C10orf67: variants seen among roughly 807,000 people sequenced by gnomAD.
C10orf67 encodes chromosome 10 open reading frame 67.
A neutral mutation model predicts 35.6 loss-of-function variants in C10orf67; 60 were observed. That is an observed-to-expected ratio of 1.68 (90% confidence interval 1.37 to 2.09). C10orf67 has a LOEUF of 2.09. C10orf67 is among the 30% of genes most tolerant of loss of function. C10orf67 has a pLI of 0.00. For synonymous variants in C10orf67, 167 were observed against 115.8 expected, an observed-to-expected ratio of 1.44 and a Z score of -2.84; for missense variants, 474 against 330.2, an observed-to-expected ratio of 1.44 and a Z score of -3.38.
At chr10:23,256,231 G>A (rs1267773522) in intron 10 of C10orf67, among the ~76,000 whole-genome samples, 2 of 151,938 alleles carry the variant, frequency 1.3e-5, no homozygotes, top group Non-Finnish European at 2.9e-5. Context: ...TGAACTCCTG[G>A]GCTCAAGCAA....
chr10:23,252,703 A>T (rs1007376068), intron 10 of C10orf67, among the ~76,000 whole-genome samples: 1 of 152,252 alleles, frequency 6.6e-6, no homozygotes, highest in African/African-American at 2.4e-5. Flanking sequence ...CAATAAGAAT[A>T]GGAACAATTT....
intron 13 of C10orf67, among the ~76,000 whole-genome samples, chr10:23,237,640 G>T (rs1433436828): frequency 6.6e-6 from 1 of 152,154 alleles, no homozygotes; most frequent in Non-Finnish European, 1.5e-5. Context: ...AACATGGGTG[G>T]ATCTTAAAAG....
At chr10:23,298,230 G>C (rs547054414) in intron 5 of C10orf67, among the ~76,000 whole-genome samples, 1 of 152,052 alleles carries the variant, frequency 6.6e-6, no homozygotes, top group African/African-American at 2.4e-5. Context: ...ACTCCAGCCT[G>C]GGCGACAGAG....
intron 12 of C10orf67, among the ~76,000 whole-genome samples, chr10:23,248,778 T>C (rs944884825): frequency 6.6e-6 from 1 of 152,162 alleles, no homozygotes; most frequent in Non-Finnish European, 1.5e-5. Context: ...AGACATAATC[T>C]ACAATGTCCC....
At chr10:23,290,022 G>A (rs575335698) in intron 6 of C10orf67, 64 bp from the exon 7 acceptor site, 5 of 709,660 alleles carry the variant, frequency 7.0e-6, no homozygotes, top group Admixed American at 2.1e-5. Flanking sequence ...GTATTTAAAC[G>A]GCCTGCTTCA....
intron 15 of C10orf67, among the ~76,000 whole-genome samples, chr10:23,216,368 G>A (rs748549062): frequency 2.0e-5 from 3 of 152,120 alleles, no homozygotes; most frequent in Non-Finnish European, 4.4e-5. Context: ...CCAAGTGTTA[G>A]TAGGAAAATG....
At chr10:23,210,521 G>T (rs185089614) in intron 15 of C10orf67, among the ~76,000 whole-genome samples, 9 of 152,246 alleles carry the variant, frequency 5.9e-5, no homozygotes, top group African/African-American at 2.2e-4. Flanking sequence ...CTGGGTTCAA[G>T]TGATCCTCCC....
At chr10:23,216,393 C>G (rs1201885477) in intron 15 of C10orf67, among the ~76,000 whole-genome samples, 1 of 152,078 alleles carries the variant, frequency 6.6e-6, no homozygotes, top group Admixed American at 6.6e-5. Context: ...AATACAAACT[C>G]ATAACCTACT....
intron 15 of C10orf67, among the ~76,000 whole-genome samples, chr10:23,213,778 A>G (rs111895187): frequency 1.3e-3 from 194 of 152,348 alleles, no homozygotes; most frequent in African/African-American, 4.5e-3. Flanking sequence ...AACCTAAAAG[A>G]AAGCAAGAAA....
intron 10 of C10orf67, among the ~76,000 whole-genome samples, chr10:23,261,020 G>C (rs375414864): frequency 6.6e-6 from 1 of 152,130 alleles, no homozygotes. Context: ...TCACACTCGA[G>C]GTTGTTTAGG....
chr10:23,333,911 G>A (rs1160686163), intron 1 of C10orf67, among the ~76,000 whole-genome samples: 1 of 152,130 alleles, frequency 6.6e-6, no homozygotes, highest in African/African-American at 2.4e-5. Context: ...GCTGCAGTGA[G>A]CTATGAAAGC....
chr10:23,296,023 T>C (rs905054732), intron 5 of C10orf67, among the ~76,000 whole-genome samples: 1 of 152,222 alleles, frequency 6.6e-6, no homozygotes, highest in African/African-American at 2.4e-5. Flanking sequence ...CTTATAACGT[T>C]GAAGTTTTAA....
intron 8 of C10orf67, among the ~76,000 whole-genome samples, chr10:23,268,795 C>G (rs763430447): frequency 6.6e-6 from 1 of 152,202 alleles, no homozygotes; most frequent in Non-Finnish European, 1.5e-5. Context: ...CTAGACTTTA[C>G]GGCATAGCCT....
intron 10 of C10orf67, among the ~76,000 whole-genome samples, chr10:23,258,887 A>G (rs1444850835): frequency 6.6e-6 from 1 of 152,222 alleles, no homozygotes; most frequent in Non-Finnish European, 1.5e-5. Context: ...TTTAGAGTTC[A>G]ACACTTCTGT....
chr10:23,308,024 A>C (rs1214837971), intron 4 of C10orf67, among the ~76,000 whole-genome samples: 1 of 152,168 alleles, frequency 6.6e-6, no homozygotes, highest in Non-Finnish European at 1.5e-5. Context: ...ACACACATTT[A>C]TTCTACTAGG....
At chr10:23,334,514 C>A (rs984556584) in intron 1 of C10orf67, among the ~76,000 whole-genome samples, 40 of 152,368 alleles carry the variant, frequency 2.6e-4, no homozygotes, top group African/African-American at 9.6e-4. Flanking sequence ...CCATGCGGGG[C>A]ACCCCATGGC....
intron 13 of C10orf67, among the ~76,000 whole-genome samples, chr10:23,226,149 C>T (rs1408212657): frequency 1.3e-5 from 2 of 152,174 alleles, no homozygotes; most frequent in African/African-American, 4.8e-5. Context: ...CTTCTCAGCA[C>T]CACATTGCAC....
chr10:23,213,920 A>C (rs1841372142), intron 15 of C10orf67, among the ~76,000 whole-genome samples: 2 of 152,150 alleles, frequency 1.3e-5, no homozygotes, highest in Non-Finnish European at 2.9e-5. Context: ...AGAGAACTAA[A>C]AAGAAAAAAG....
chr10:23,227,640 G>C (rs921050920), intron 13 of C10orf67, among the ~76,000 whole-genome samples: 1 of 152,206 alleles, frequency 6.6e-6, no homozygotes, highest in African/African-American at 2.4e-5. Context: ...AAAAGAGGAA[G>C]TCAAATTGTC....
Sources: gnomAD v4.1 joint callset for allele counts (sites outside exome capture counted in the v4.1 genomes callset) on GRCh38, gnomAD v4.1.1 for gene constraint, MANE v1.5 for transcripts, NCBI Gene and HGNC (gene_info 2026-07-23, HGNC 2026-07-21) for gene names.